PLEC: variants seen among roughly 807,000 people sequenced by gnomAD.
PLEC encodes hemidesmosomal protein 1.
In PLEC, 216 loss-of-function variants were observed where a neutral mutation model predicts 392.8. The observed-to-expected ratio is 0.55, with a 90% confidence interval of 0.49 to 0.62. PLEC has a LOEUF of 0.62. Ranked by LOEUF, PLEC falls within the 20% of genes least tolerant of loss-of-function variation. The pLI, the probability that PLEC is intolerant of heterozygous loss-of-function variation, is 0.00. For synonymous variants in PLEC, 3,621 were observed against 2,980.6 expected, an observed-to-expected ratio of 1.21 and a Z score of -7.00; for missense variants, 6,863 against 6,563.4, an observed-to-expected ratio of 1.05 and a Z score of -1.58.
At chr8:143,933,976 T>C in intron 12 of PLEC, 22 bp downstream of exon 12, 6 of 1,325,952 alleles carry the variant, frequency 4.5e-6, no homozygotes, top group Non-Finnish European at 6.3e-6. Context: ...TCCCGCCCAC[T>C]GCCTGCCCCA....
chr8:143,959,939 A>G (rs1221991752), intron 1 of PLEC, among the ~76,000 whole-genome samples: 1 of 151,874 alleles, frequency 6.6e-6, no homozygotes, highest in Non-Finnish European at 1.5e-5. Flanking sequence ...AGATCATGCC[A>G]CTACACTCCA....
At position 143,921,675 on chromosome 8, in the gene PLEC, G is replaced by A. The variant is rs900058084; in HGVS notation, c.8146C>T (p.Leu2716=). ...CCGGGACTCAGCAGCTGCCTCTGCAGGGCGGCGTAAACACTCAGCTTCTCA... is the reference window on the plus strand; with the variant it reads ...CCGGGACTCAGCAGCTGCCTCTGCAAGGCGGCGTAAACACTCAGCTTCTCA... ...TNEKLSVYAA[L]QRQLLSPGTA... is the part of the protein sequence containing the mutation. Residue 2716 remains leucine (L), a synonymous_variant, in exon 32 of 32, where the codon CTG becomes TTG. Transcript: ENST00000345136. 2 of 1,613,196 alleles carry A rather than the reference G, an allele frequency of 1.2e-6. No individual in the cohort carries two copies. Among genetic ancestry groups the A allele is most frequent in the Non-Finnish European group, 1.7e-6 (2 of 1,179,932 alleles).
rs782046825 is a variant in PLEC at position 143,936,046 on chromosome 8, GCCACAGCCACCAGGCCTGCTCTGTGC to G, written c.436-58_436-33del. Reference sequence around the variant, plus strand: ...ACAGCAGAGAGGAGGCCACAGCTCAGCCACAGCCACCAGGCCTGCTCTGTGCCCACAGCCACATGCACAGGGGCAGG... The same window carrying G: ...ACAGCAGAGAGGAGGCCACAGCTCAGCCACAGCCACATGCACAGGGGCAGG... On this transcript the variant is annotated intron_variant, in intron 5 of 31. Coordinates refer to ENST00000345136, the MANE Select transcript of PLEC (RefSeq NM_201384.3). The G allele has an allele frequency of 3.1e-6, 5 of 1,607,390 alleles. No individual in the cohort carries two copies. In the East Asian group the frequency reaches 1.1e-4, roughly 36 times the overall value.
Position 143,921,745 on chromosome 8 carries a change from CAGGT to C in PLEC, c.8072_8075del (p.Tyr2691CysfsTer12), listed in dbSNP as rs1822808968. On this transcript the variant is annotated frameshift_variant, in exon 32 of 32. Coordinates refer to ENST00000345136, the MANE Select transcript of PLEC (RefSeq NM_201384.3). LOFTEE classifies it low-confidence loss of function (END_TRUNC). ...GCCCTGCGATACTGCTGCGGCCCTG[CAGGT>C]AGTGGCGCACGTCTTCCCGCCGTGC... The C allele has an allele frequency of 6.2e-7, 1 of 1,612,490 alleles. No individual in the cohort carries two copies. The highest frequency in any genetic ancestry group is 8.5e-7 in the Non-Finnish European group (1 of 1,179,892).
chr8:143,970,298 C>CAA (rs112313831), intron 1 of PLEC, among the ~76,000 whole-genome samples: 2 of 124,750 alleles, frequency 1.6e-5, no homozygotes, highest in East Asian at 4.6e-4. Context: ...TAAAACGCTC[C>CAA]AAAAAAAAAA....
intron 16 of PLEC, 73 bp from the exon 17 acceptor site, chr8:143,932,307 C>T: frequency 6.2e-7 from 1 of 1,607,746 alleles, no homozygotes; most frequent in South Asian, 1.1e-5. Flanking sequence ...CAAACTCGAC[C>T]CAGGGCCCCC....
intron 1 of PLEC, among the ~76,000 whole-genome samples, chr8:143,964,750 G>A (rs991882604): frequency 2.0e-5 from 3 of 152,254 alleles, no homozygotes; most frequent in African/African-American, 2.4e-5. Flanking sequence ...TGACAGTGGC[G>A]TCCAGCTGTG....
chr8:143,937,869 G>A (rs1829467212), intron 3 of PLEC: 4 of 626,892 alleles, frequency 6.4e-6, no homozygotes, highest in South Asian at 4.6e-5. Context: ...GCAAAGCGGA[G>A]CATGAGGTTA....
In PLEC at chr8:143,924,041, T is replaced by C. The variant is rs782802377; in HGVS notation, c.5888A>G (p.Glu1963Gly). Residue 1963 changes from glutamate (E) to glycine (G), a missense_variant, in exon 31 of 32, where the codon GAG becomes GGG. Physicochemically the swap from Glu to Gly is moderately conservative, Grantham distance 98. Transcript: ENST00000345136. ...SNAEDTLRSK[E>G]QAELEAARQR... ...CCTCGCAGCCTCCAGCTCGGCCTGC[T>C]CCTTGCTGCGCAGCGTGTCCTCCGC... 1 of 1,595,660 alleles carries C rather than the reference T, an allele frequency of 6.3e-7. No individual in the cohort carries two copies. The highest frequency in any genetic ancestry group is 1.1e-5 in the South Asian group (1 of 90,674).
At chr8:143,922,436 G>A (rs371019068) in intron 31 of PLEC, 41 bp from the exon 32 acceptor site, 34 of 1,600,320 alleles carry the variant, frequency 2.1e-5, no homozygotes, top group Non-Finnish European at 2.6e-5. Context: ...GCCAGCCCAG[G>A]AGCACCCATC....
chr8:143,943,676 C>T, upstream of PLEC: 2 of 1,113,222 alleles, frequency 1.8e-6, no homozygotes, highest in Non-Finnish European at 2.6e-6. Context: ...CACTGACATT[C>T]AGCTTGGAAA....
In PLEC at chr8:143,922,701, C is replaced by T; in HGVS notation, c.7228G>A (p.Ala2410Thr). Residue 2410 changes from alanine (A) to threonine (T), a missense_variant, in exon 31 of 32, where the codon GCG (alanine) becomes ACG (threonine). Coordinates refer to ENST00000345136, the MANE Select transcript of PLEC (RefSeq NM_201384.3). ...TGCAGCTTCTCACCGATCTCCTCCG[C>T]CTGCTTCCGGAAGCGCTGGGCGTCC... is the stretch of plus-strand genomic sequence containing the variant. ...EEDAQRFRKQ[A>T]EEIGEKLHRT... 1 of 1,612,768 alleles carries T rather than the reference C, an allele frequency of 6.2e-7. No homozygotes were observed. The highest frequency in any genetic ancestry group is 8.5e-7 in the Non-Finnish European group (1 of 1,179,882).
In PLEC at chr8:143,925,514, T is replaced by A. The variant is rs1199065881; in HGVS notation, c.4415A>T (p.Glu1472Val). The A allele has an allele frequency of 1.3e-6, 2 of 1,595,088 alleles. No individual in the cohort carries two copies. The highest frequency in any genetic ancestry group is 2.7e-5 in the African/African-American group (2 of 74,766). The part of the protein sequence containing the change: ...EATERQRGGA[E>V]GELQALRARA... ...TGCACGCAGTGCCTGCAGCTCCCCC[T>A]CAGCCCCGCCACGCTGGCGCTCGGT... Residue 1472 changes from glutamate to valine, a missense_variant, in exon 31 of 32, where the codon GAG becomes GTG. By Grantham distance (121) the Glu-to-Val change is moderately radical (BLOSUM62 -2). Coordinates refer to ENST00000345136, the MANE Select transcript of PLEC (RefSeq NM_201384.3).
Position 143,934,067 on chromosome 8 carries a change from C to T in PLEC, c.1194G>A (p.Val398=). The T allele has an allele frequency of 6.2e-7, 1 of 1,611,802 alleles. No homozygotes were observed. Among genetic ancestry groups the T allele is most frequent in the Non-Finnish European group, 8.5e-7 (1 of 1,179,550 alleles). ...FERLECLQRI[V]TKLQMEAGLC... is the part of the protein sequence containing the mutation. ...GCCCCGCCTCCATCTGCAGCTTGGTCACGATGCGCTGAAGACACTCCAGCC... is the reference window on the plus strand; with the variant it reads ...GCCCCGCCTCCATCTGCAGCTTGGTTACGATGCGCTGAAGACACTCCAGCC... Residue 398 remains valine (V), a synonymous_variant, in exon 12 of 32, where the codon GTG becomes GTA. Transcript: ENST00000345136.
upstream of PLEC, among the ~76,000 whole-genome samples, chr8:143,952,086 G>C (rs372488659): frequency 1.6e-4 from 24 of 152,304 alleles, no homozygotes; most frequent in Middle Eastern, 0.01. Flanking sequence ...ATCCCGAGGT[G>C]GGAGGCGCTG....
Position 143,920,515 on chromosome 8 carries a change from C to T in PLEC, c.9306G>A (p.Val3102=). 1 of 1,611,066 alleles carries T rather than the reference C, an allele frequency of 6.2e-7. No homozygotes were observed. The change falls in exon 32 of 32, where the codon GTG becomes GTA. Residue 3102 remains valine (V), a synonymous_variant. Coordinates refer to ENST00000345136, the MANE Select transcript of PLEC (RefSeq NM_201384.3). The part of the protein sequence containing the change: ...HEKLLSAEKA[V]TGYRDPYTGQ... ...CTGTGTAGGGGTCCCTGTACCCTGT[C>T]ACAGCCTTCTCGGCTGATAGCAGCT... is the stretch of plus-strand genomic sequence containing the variant.
upstream of PLEC, among the ~76,000 whole-genome samples, chr8:143,940,539 G>A (rs1347329266): frequency 6.6e-6 from 1 of 152,196 alleles, no homozygotes; most frequent in Non-Finnish European, 1.5e-5. Context: ...GCTGGCTGGG[G>A]CCTCCGGCTC....
In PLEC at chr8:143,923,222, T is replaced by C; in HGVS notation, c.6707A>G (p.Gln2236Arg). ...CTTGAGCTTGCTCAGCTCCTCCATC[T>C]GCACGCGCACCGAGAAGAGCTCCTC... ...VEEELFSVRV[Q>R]MEELSKLKAR... Residue 2236 changes from glutamine (Q) to arginine (R), a missense_variant, in exon 31 of 32, where the codon CAG becomes CGG. Transcript: ENST00000345136. 1 of 1,603,354 alleles carries C rather than the reference T, an allele frequency of 6.2e-7. No individual in the cohort carries two copies. Among genetic ancestry groups the C allele is most frequent in the Non-Finnish European group, 8.5e-7 (1 of 1,179,890 alleles).
upstream of PLEC, among the ~76,000 whole-genome samples, chr8:143,951,442 C>G (rs924909364): frequency 2.6e-5 from 4 of 152,074 alleles, no homozygotes; most frequent in Admixed American, 6.5e-5. Context: ...CTGCAGGCAC[C>G]GCTGCTGCTG....
Sources: gnomAD v4.1 joint callset for allele counts (sites outside exome capture counted in the v4.1 genomes callset) on GRCh38, gnomAD v4.1.1 for gene constraint, MANE v1.5 for transcripts, NCBI Gene and HGNC (gene_info 2026-07-23, HGNC 2026-07-21) for gene names.